Variants in ATXN7L1 observed in about 807,000 individuals in gnomAD.
The protein encoded by ATXN7L1 is ataxin-7-like protein 1.
Under a neutral mutation model 70.8 loss-of-function variants are expected in ATXN7L1, and 15 were observed. That is an observed-to-expected ratio of 0.21 (90% CI 0.14 to 0.33). The LOEUF (loss-of-function observed/expected upper bound fraction) is 0.33. Ranked by LOEUF, ATXN7L1 falls within the 10% of genes least tolerant of loss-of-function variation. The pLI, the probability that ATXN7L1 is intolerant of heterozygous loss-of-function variation, is 1.00. For missense variants in ATXN7L1, 975 were observed against 1,097.1 expected (o/e 0.89, Z 1.57); for synonymous variants, 440 against 445.1 (o/e 0.99, Z 0.14).
intron 3 of ATXN7L1, among the ~76,000 whole-genome samples, chr7:105,702,582 A>G (rs1792597124): frequency 6.6e-6 from 1 of 152,070 alleles, no homozygotes; most frequent in African/African-American, 2.4e-5. Flanking sequence ...ATACACACAC[A>G]CACAGGGCGA....
At chr7:105,642,304 T>A (rs140830972) in intron 5 of ATXN7L1, among the ~76,000 whole-genome samples, 31 of 152,274 alleles carry the variant, frequency 2.0e-4, no homozygotes, top group African/African-American at 7.0e-4. Context: ...AATTCCAACC[T>A]GATTATGGGG....
intron 3 of ATXN7L1, among the ~76,000 whole-genome samples, chr7:105,740,110 C>G (rs957315646): frequency 6.6e-6 from 1 of 152,152 alleles, no homozygotes; most frequent in African/African-American, 2.4e-5. Flanking sequence ...TTTCATGATA[C>G]ACTAGTGGGT....
chr7:105,718,113 C>T (rs1401901156), intron 3 of ATXN7L1, among the ~76,000 whole-genome samples: 1 of 152,158 alleles, frequency 6.6e-6, no homozygotes, highest in Non-Finnish European at 1.5e-5. Context: ...CAAAACCTCT[C>T]CCCTTTTAAA....
intron 3 of ATXN7L1, among the ~76,000 whole-genome samples, chr7:105,708,856 C>T (rs1313784553): frequency 6.6e-6 from 1 of 152,166 alleles, no homozygotes; most frequent in African/African-American, 2.4e-5. Context: ...AAACCATAGT[C>T]ACGCGCCCTA....
chr7:105,722,025 C>T (rs1467149556), intron 3 of ATXN7L1, among the ~76,000 whole-genome samples: 1 of 152,238 alleles, frequency 6.6e-6, no homozygotes, highest in African/African-American at 2.4e-5. Context: ...TGTATGCGCA[C>T]ACATAGGTTA....
At position 105,844,884 on chromosome 7, in the gene ATXN7L1, G is replaced by A. The variant is rs531990609; in HGVS notation, c.250+30928C>T. On this transcript the variant is annotated intron_variant, in intron 2 of 11. Coordinates refer to ENST00000419735, the MANE Select transcript of ATXN7L1 (RefSeq NM_020725.2). Reference sequence around the variant, plus strand: ...GAGAGTTAACAAACAAGTTTAACACGGTTGCGGAATAAAAGAACATACATA... The same window carrying A: ...GAGAGTTAACAAACAAGTTTAACACAGTTGCGGAATAAAAGAACATACATA... Among the ~76,000 whole-genome samples, 9 of 152,154 alleles carry A rather than the reference G, an allele frequency of 5.9e-5. No homozygotes were observed. In the East Asian group the frequency reaches 9.6e-4, roughly 16 times the overall value.
intron 3 of ATXN7L1, chr7:105,788,122 T>C (rs1214706376): frequency 6.5e-6 from 1 of 153,094 alleles, no homozygotes; most frequent in African/African-American, 2.4e-5. Context: ...TTGGGAAAGG[T>C]GAATTGGAAT....
At chr7:105,694,907 C>G (rs999098832) in intron 3 of ATXN7L1, among the ~76,000 whole-genome samples, 5 of 152,236 alleles carry the variant, frequency 3.3e-5, no homozygotes, top group African/African-American at 1.2e-4. Context: ...AATCCCAGCA[C>G]TTTGGAAGGC....
intron 5 of ATXN7L1, among the ~76,000 whole-genome samples, chr7:105,642,576 G>A (rs1164632744): frequency 1.3e-5 from 2 of 152,250 alleles, no homozygotes; most frequent in African/African-American, 4.8e-5. Context: ...GAGTAGGTCG[G>A]TGCAGAGCAC....
chr7:105,825,074 G>A (rs766466587), intron 2 of ATXN7L1, among the ~76,000 whole-genome samples: 1 of 152,202 alleles, frequency 6.6e-6, no homozygotes, highest in Non-Finnish European at 1.5e-5. Flanking sequence ...TATTAAGAGT[G>A]ACACTAGAGC....
chr7:105,856,951 G>A lies in ATXN7L1; in HGVS notation c.250+18861C>T, dbSNP rs564960979. Reference sequence around the variant, plus strand: ...TGAAAACTCTACTTCAAAAAAAGACGGCATGGAGTTAGGCACTGAGTGTGT... The same window carrying A: ...TGAAAACTCTACTTCAAAAAAAGACAGCATGGAGTTAGGCACTGAGTGTGT... On this transcript the variant is annotated intron_variant, in intron 2 of 11. Transcript: ENST00000419735. Among the ~76,000 whole-genome samples the A allele has an allele frequency of 7.2e-5, 11 of 152,134 alleles. 1 individual carries two copies. The highest frequency in any genetic ancestry group is 4.1e-4 in the South Asian group (2 of 4,824).
intron 3 of ATXN7L1, among the ~76,000 whole-genome samples, chr7:105,678,623 A>C (rs1246056007): frequency 6.6e-6 from 1 of 152,260 alleles, no homozygotes; most frequent in Non-Finnish European, 1.5e-5. Context: ...ACAATGACTG[A>C]GTAGATAAGT....
At chr7:105,620,358 T>C in intron 8 of ATXN7L1, 37 bp from the exon 9 acceptor site, 1 of 1,517,284 alleles carries the variant, frequency 6.6e-7, no homozygotes, top group Non-Finnish European at 8.9e-7. Flanking sequence ...TGATTACAGG[T>C]TAATAAGCTA....
chr7:105,622,826 C>T (rs561009001), intron 8 of ATXN7L1, among the ~76,000 whole-genome samples: 1 of 152,322 alleles, frequency 6.6e-6, no homozygotes. Context: ...TTGTCCCTTT[C>T]CAACCTGAGT....
At chr7:105,772,626 T>C (rs956131562) in intron 3 of ATXN7L1, among the ~76,000 whole-genome samples, 1 of 152,058 alleles carries the variant, frequency 6.6e-6, no homozygotes, top group African/African-American at 2.4e-5. Flanking sequence ...CAGGACAGCC[T>C]CAAAATTGTA....
intron 3 of ATXN7L1, among the ~76,000 whole-genome samples, chr7:105,669,798 A>G (rs543332426): frequency 6.6e-6 from 1 of 152,192 alleles, no homozygotes; most frequent in Admixed American, 6.5e-5. Flanking sequence ...GCATGCCTGT[A>G]ATCCCAGCTA....
chr7:105,789,314 G>A (rs1378963584), intron 2 of ATXN7L1, among the ~76,000 whole-genome samples: 1 of 152,224 alleles, frequency 6.6e-6, no homozygotes, highest in Non-Finnish European at 1.5e-5. Flanking sequence ...TAGGTGCTGG[G>A]AAAAACTGGG....
Position 105,733,657 on chromosome 7 carries a change from T to A in ATXN7L1, c.355+54947A>T, listed in dbSNP as rs71540970. Among the ~76,000 whole-genome samples the A allele has an allele frequency of 9.1e-4, 77 of 84,684 alleles. 1 individual carries two copies. The highest frequency in any genetic ancestry group is 9.7e-4 in the African/African-American group (21 of 21,658). 55.6% of individuals were successfully genotyped at this position (84,684 alleles called of 152,430 possible). A position where few individuals can be genotyped will look rare whatever the true frequency, so the allele number is the denominator to read the frequency against. Reference sequence around the variant, plus strand: ...ACCCATCCATCCATCCATCCATCCATCCATCCATCCATCCATCCATCCACC... The same window carrying A: ...ACCCATCCATCCATCCATCCATCCAACCATCCATCCATCCATCCATCCACC... On this transcript the variant is annotated intron_variant, in intron 3 of 11. Coordinates refer to ENST00000419735, the MANE Select transcript of ATXN7L1 (RefSeq NM_020725.2).
At chr7:105,870,122 A>G (rs918530414) in intron 2 of ATXN7L1, among the ~76,000 whole-genome samples, 17 of 152,134 alleles carry the variant, frequency 1.1e-4, no homozygotes, top group African/African-American at 3.6e-4. Context: ...TCTACTAAAA[A>G]TACAAAAAAA....
Sources: allele counts gnomAD v4.1 joint callset (sites outside exome capture counted in the v4.1 genomes callset), GRCh38; gene constraint gnomAD v4.1.1; transcripts MANE v1.5; gene names NCBI Gene and HGNC (gene_info 2026-07-23, HGNC 2026-07-21).